C12orf60: variants seen among roughly 807,000 people sequenced by gnomAD.
C12orf60 encodes the protein uncharacterized protein C12orf60.
For synonymous variants in C12orf60, 102 were observed against 94.6 expected (o/e 1.08, Z -0.45); for missense variants, 284 against 283.2 (o/e 1.00, Z -0.02).
At chr12:14,822,816 G>GAAATA in intron 1 of C12orf60, 96 bp from the exon 2 acceptor site, 2 of 1,038,490 alleles carry the variant, frequency 1.9e-6, no homozygotes, top group African/African-American at 3.2e-5. Flanking sequence ...CCCTTGGCAG[G>GAAATA]GGGAGTTATC....
chr12:14,821,890 A>T (rs1420941161), intron 1 of C12orf60, among the ~76,000 whole-genome samples: 1 of 151,470 alleles, frequency 6.6e-6, no homozygotes, highest in Non-Finnish European at 1.5e-5. Flanking sequence ...TGCCTAGGGT[A>T]GAGTGGGAAG....
At chr12:14,819,770 C>A (rs1212412470) in intron 1 of C12orf60, among the ~76,000 whole-genome samples, 3 of 151,890 alleles carry the variant, frequency 2.0e-5, no homozygotes, top group Non-Finnish European at 4.4e-5. Flanking sequence ...TATGGTTTTT[C>A]TTGTTTAGTT....
At chr12:14,810,019 C>T (rs1050081174) in intron 1 of C12orf60, among the ~76,000 whole-genome samples, 1 of 152,148 alleles carries the variant, frequency 6.6e-6, no homozygotes, top group Admixed American at 6.5e-5. Flanking sequence ...GACTCTTTTT[C>T]GTGGGATCTA....
intron 1 of C12orf60, among the ~76,000 whole-genome samples, chr12:14,804,050 T>C (rs1028270874): frequency 2.6e-5 from 4 of 152,184 alleles, no homozygotes; most frequent in Non-Finnish European, 5.9e-5. Flanking sequence ...GCACCCGTAT[T>C]AGAGTCGCAG....
At chr12:14,821,444 G>A (rs1306631444) in intron 1 of C12orf60, among the ~76,000 whole-genome samples, 5 of 152,066 alleles carry the variant, frequency 3.3e-5, no homozygotes, top group African/African-American at 1.2e-4. Context: ...TTAAGTTGGG[G>A]CCACATCACC....
intron 1 of C12orf60, chr12:14,806,328 G>A (rs1002218353): frequency 2.5e-6 from 4 of 1,614,184 alleles, no homozygotes; most frequent in Non-Finnish European, 3.4e-6. Flanking sequence ...CAGGATGACC[G>A]AAATAACCTT....
chr12:14,815,012 T>C (rs1050931026), intron 1 of C12orf60, among the ~76,000 whole-genome samples: 2 of 152,224 alleles, frequency 1.3e-5, no homozygotes, highest in Non-Finnish European at 2.9e-5. Context: ...ATGGATTAAA[T>C]GGGATAGTGT....
At chr12:14,806,185 C>G in intron 1 of C12orf60, 4 of 1,614,130 alleles carry the variant, frequency 2.5e-6, no homozygotes, top group Non-Finnish European at 3.4e-6. Context: ...CCAAGAACAG[C>G]AACTCCAATA....
At chr12:14,804,450 A>C (rs1368476632) in intron 1 of C12orf60, among the ~76,000 whole-genome samples, 1 of 152,232 alleles carries the variant, frequency 6.6e-6, no homozygotes, top group East Asian at 1.9e-4. Context: ...ATATTGATGG[A>C]GATACATACT....
chr12:14,815,368 G>T lies in C12orf60; in HGVS notation c.-24-7544G>T, dbSNP rs2137274573. On this transcript the variant is annotated intron_variant, in intron 1 of 1. Transcript: ENST00000330828. ...TTAATAGATGTTTGGGGAGGATGGT[G>T]GTATAGAGGAAATAATACAGATAGA... Among the ~76,000 whole-genome samples, 2 of 152,142 alleles carry T rather than the reference G, an allele frequency of 1.3e-5. 1 individual carries two copies. Among genetic ancestry groups the T allele is most frequent in the South Asian group, 4.1e-4 (2 of 4,820 alleles).
chr12:14,805,864 C>T, intron 1 of C12orf60: 1 of 854,182 alleles, frequency 1.2e-6, no homozygotes, highest in Non-Finnish European at 1.8e-6. Context: ...GTCTTGGCAT[C>T]TCCAGTTTCC....
chr12:14,807,569 A>G (rs1950072862), intron 1 of C12orf60, among the ~76,000 whole-genome samples: 1 of 152,194 alleles, frequency 6.6e-6, no homozygotes, highest in Admixed American at 6.5e-5. Context: ...TCTACAGGCA[A>G]GTTATTTGTT....
chr12:14,810,607 G>A (rs966444636), intron 1 of C12orf60, among the ~76,000 whole-genome samples: 1 of 152,046 alleles, frequency 6.6e-6, no homozygotes, highest in African/African-American at 2.4e-5. Context: ...AGGTACACTT[G>A]GTATTTGACT....
chr12:14,815,679 A>T (rs987453806), intron 1 of C12orf60, among the ~76,000 whole-genome samples: 7 of 152,230 alleles, frequency 4.6e-5, no homozygotes, highest in African/African-American at 1.7e-4. Flanking sequence ...GTAGGTATGG[A>T]CAATAAAGCA....
At chr12:14,822,028 T>TGGGGGGG in intron 1 of C12orf60, among the ~76,000 whole-genome samples, 1 of 27,722 alleles carries the variant, frequency 3.6e-5, no homozygotes, top group Non-Finnish European at 7.2e-5. Flanking sequence ...GAGTAGGGGA[T>TGGGGGGG]GGGGGTGGGT....
intron 1 of C12orf60, among the ~76,000 whole-genome samples, chr12:14,807,987 G>A (rs997177038): frequency 7.2e-5 from 11 of 152,084 alleles, no homozygotes; most frequent in Admixed American, 3.9e-4. Flanking sequence ...CCAACACAGC[G>A]AAACCCCATC....
At chr12:14,806,437 T>G in intron 1 of C12orf60, 1 of 1,614,234 alleles carries the variant, frequency 6.2e-7, no homozygotes, top group Non-Finnish European at 8.5e-7. Flanking sequence ...TCATCAACCT[T>G]CTGCAATTCC....
chr12:14,823,227 G>T lies in C12orf60; in HGVS notation c.292G>T (p.Val98Phe), dbSNP rs1336745165. 6 of 1,614,092 alleles carry T rather than the reference G, an allele frequency of 3.7e-6. No individual in the cohort carries two copies. The South Asian group carries it at 5.5e-5, about 15-fold the overall frequency. ...GGTTGCAATGGCCATGTGCTCTGTG[G>T]TTCAGAAGAGTACCAATGTAGAGGA... ...SKVAMAMCSV[V>F]QKSTNVEELH... is the part of the protein sequence containing the mutation. The change falls in exon 2 of 2, where the codon GTT (valine) becomes TTT (phenylalanine). Residue 98 changes from valine to phenylalanine, a missense_variant. Coordinates refer to ENST00000330828, the MANE Select transcript of C12orf60 (RefSeq NM_175874.4).
intron 1 of C12orf60, among the ~76,000 whole-genome samples, chr12:14,810,197 A>G (rs1950115567): frequency 6.6e-6 from 1 of 152,188 alleles, no homozygotes; most frequent in East Asian, 1.9e-4. Context: ...TCTTGTGCTA[A>G]CATATCTTCA....
Sources: gnomAD v4.1 joint callset for allele counts (sites outside exome capture counted in the v4.1 genomes callset) on GRCh38, gnomAD v4.1.1 for gene constraint, MANE v1.5 for transcripts, NCBI Gene and HGNC (gene_info 2026-07-23, HGNC 2026-07-21) for gene names.